The following DNAH3 variants were observed in gnomAD, a reference collection of about 807,000 sequenced individuals.
DNAH3 encodes the protein dynein axonemal heavy chain 3.
In DNAH3, 332 loss-of-function variants were observed where a neutral mutation model predicts 432.5. The ratio of observed to expected loss-of-function variants is 0.77; its 90% CI spans 0.70 to 0.84. The LOEUF is 0.84. Ranked by LOEUF, DNAH3 falls within the 40% of genes least tolerant of loss-of-function variation. DNAH3 has a pLI of 0.00. For synonymous variants in DNAH3, 1,956 were observed against 1,900.2 expected, an observed-to-expected ratio of 1.03 and a Z score of -0.76; for missense variants, 4,861 against 5,114.0, an observed-to-expected ratio of 0.95 and a Z score of 1.51.
At position 21,045,761 on chromosome 16, in the gene DNAH3, G is replaced by C. The variant is rs1038995311; in HGVS notation, c.4462-3558C>G. On this transcript the variant is annotated intron_variant, in intron 31 of 61. Transcript: ENST00000261383. ...TTGCTTTTCTAGTTCTTTTAATTGT[G>C]AAGTTAGGGTGTCAATTTTGGATCT... Among the ~76,000 whole-genome samples, 277 of 151,700 alleles carry C rather than the reference G, an allele frequency of 1.8e-3. 1 individual carries two copies. Among genetic ancestry groups the C allele is most frequent in the African/African-American group, 6.4e-3 (263 of 41,302 alleles).
chr16:21,137,030 A>C (rs2092652766), intron 5 of DNAH3, among the ~76,000 whole-genome samples: 1 of 152,094 alleles, frequency 6.6e-6, no homozygotes, highest in Admixed American at 6.6e-5. Flanking sequence ...TCTGCTCAGG[A>C]GGCTGAGGCA....
intron 3 of DNAH3, 80 bp downstream of exon 4, chr16:21,145,101 G>C: frequency 8.1e-7 from 1 of 1,241,690 alleles, no homozygotes; most frequent in East Asian, 2.6e-5. Context: ...GACAGAGTGA[G>C]ACTCCATCTA....
intron 50 of DNAH3, among the ~76,000 whole-genome samples, chr16:20,978,793 G>T (rs796848780): frequency 4.6e-5 from 7 of 152,140 alleles, no homozygotes; most frequent in African/African-American, 1.7e-4. Flanking sequence ...GATCCTCCCG[G>T]CTTTGACCTC....
chr16:20,964,566 G>C, exon 53 of DNAH3: 1 of 1,614,150 alleles, frequency 6.2e-7, no homozygotes. Context: ...TGCTATCAGA[G>C]AACTTGATGA....
chr16:21,029,965 C>T (rs910067195), intron 37 of DNAH3, among the ~76,000 whole-genome samples: 9 of 152,084 alleles, frequency 5.9e-5, no homozygotes, highest in African/African-American at 7.2e-5. Context: ...CAGGACTACA[C>T]GCACTTACCA....
chr16:20,990,239 C>A (rs535273015), intron 44 of DNAH3, among the ~76,000 whole-genome samples: 1 of 152,266 alleles, frequency 6.6e-6, no homozygotes, highest in Non-Finnish European at 1.5e-5. Context: ...CAAATCCATT[C>A]TCCCCTGCTA....
At chr16:21,124,875 T>C (rs2092415587) in intron 9 of DNAH3, among the ~76,000 whole-genome samples, 1 of 152,118 alleles carries the variant, frequency 6.6e-6, no homozygotes, top group African/African-American at 2.4e-5. Flanking sequence ...GTCTTGAACT[T>C]CTGACGTCAG....
chr16:21,106,079 C>G (rs1381294366), intron 15 of DNAH3, among the ~76,000 whole-genome samples: 17 of 150,922 alleles, frequency 1.1e-4, no homozygotes, highest in Non-Finnish European at 2.9e-5. Context: ...ACTTGGGAGG[C>G]TGAGGCAGGA....
intron 38 of DNAH3, 151 bp from the exon 39 acceptor site, chr16:21,024,852 A>C (rs2088459157): frequency 3.0e-6 from 2 of 663,218 alleles, no homozygotes; most frequent in Non-Finnish European, 5.4e-6. Context: ...CCCACGTTGA[A>C]TCTTGTGTTC....
At chr16:20,933,613 A>T in intron 61 of DNAH3, 106 bp from the exon 62 acceptor site, 3 of 840,464 alleles carry the variant, frequency 3.6e-6, no homozygotes, top group Non-Finnish European at 5.5e-6. Context: ...TGGTTGCAAT[A>T]TCTACCTCTC....
At chr16:21,145,353 G>A (rs201422604) in exon 3 of DNAH3, 40 of 1,614,182 alleles carry the variant, frequency 2.5e-5, no homozygotes, top group Non-Finnish European at 3.4e-5. Context: ...GTGCAGCCAA[G>A]GTCCATGACG....
rs547611235 is a variant in DNAH3, at chr16:20,954,965, C to T, written c.10919G>A (p.Arg3640Gln). The T allele has an allele frequency of 1.1e-4, 177 of 1,614,138 alleles. 2 individuals are homozygous for T. The South Asian group carries it at 1.5e-3, about 14-fold the overall frequency. The change falls in exon 55 of 62, where the codon CGG becomes CAG. Residue 3640 changes from arginine to glutamine, a missense_variant. Transcript: ENST00000261383. Reference sequence around the variant, plus strand: ...GAGGTAGGAGCGCAACAGGTTGGCCCGGAGCCCTTTGGGGGGCTCATTGGT... The same window carrying T: ...GAGGTAGGAGCGCAACAGGTTGGCCTGGAGCCCTTTGGGGGGCTCATTGGT...
exon 40 of DNAH3, chr16:21,022,064 G>C: frequency 6.2e-7 from 1 of 1,614,058 alleles, no homozygotes; most frequent in Non-Finnish European, 8.5e-7. Context: ...CCAAATTCCA[G>C]GCAGGGCTGG....
At chr16:20,950,524 C>T (rs2152575374) in intron 56 of DNAH3, among the ~76,000 whole-genome samples, 1 of 152,272 alleles carries the variant, frequency 6.6e-6, no homozygotes, top group Admixed American at 6.5e-5. Flanking sequence ...TCTGTCTTCC[C>T]AGCTGTAAAA....
intron 7 of DNAH3, among the ~76,000 whole-genome samples, chr16:21,128,156 G>A (rs1383967922): frequency 1.3e-5 from 2 of 152,034 alleles, no homozygotes; most frequent in Non-Finnish European, 2.9e-5. Context: ...ACGAATCAAT[G>A]TTCTTTACAA....
chr16:20,981,550 C>G (rs147468763), intron 49 of DNAH3, among the ~76,000 whole-genome samples: 1 of 151,912 alleles, frequency 6.6e-6, no homozygotes, highest in Non-Finnish European at 1.5e-5. Flanking sequence ...CATGGTGAAA[C>G]CCAGTGTCCA....
exon 53 of DNAH3, chr16:20,964,842 C>A: frequency 1.2e-6 from 2 of 1,614,086 alleles, no homozygotes; most frequent in South Asian, 2.2e-5. Context: ...CCCGATAATC[C>A]ACTGTAAAAG....
At chr16:21,048,600 C>A (rs147540388) in intron 31 of DNAH3, among the ~76,000 whole-genome samples, 1 of 152,134 alleles carries the variant, frequency 6.6e-6, no homozygotes, top group Non-Finnish European at 1.5e-5. Flanking sequence ...GAGATGAACC[C>A]GGTACCTCAG....
chr16:20,949,810 A>G (rs774130218), intron 56 of DNAH3, among the ~76,000 whole-genome samples: 2 of 152,228 alleles, frequency 1.3e-5, no homozygotes, highest in Non-Finnish European at 2.9e-5. Context: ...TAACTAGCCT[A>G]TCCTGACTGG....
Sources: gnomAD v4.1 joint callset for allele counts (sites outside exome capture counted in the v4.1 genomes callset) on GRCh38, gnomAD v4.1.1 for gene constraint, MANE v1.5 for transcripts, NCBI Gene and HGNC (gene_info 2026-07-23, HGNC 2026-07-21) for gene names.